FANCM: variants seen among roughly 807,000 people sequenced by gnomAD.
FANCM encodes the protein FA complementation group M.
In FANCM, 140 loss-of-function variants were observed where a neutral mutation model predicts 199.5. That is an observed-to-expected ratio of 0.70 (90% CI 0.61 to 0.81). The LOEUF (loss-of-function observed/expected upper bound fraction) is 0.81. Among genes scored for constraint, FANCM ranks in the 30% least tolerant of loss-of-function variants. The pLI, the probability that FANCM is intolerant of heterozygous loss-of-function variation, is 0.00. For synonymous variants in FANCM, 840 were observed against 836.8 expected (o/e 1.00, Z -0.07); for missense variants, 2,410 against 2,421.4 (o/e 1.00, Z 0.10).
chr14:45,147,260 C>A (rs562864347), intron 3 of FANCM, among the ~76,000 whole-genome samples: 1 of 151,880 alleles, frequency 6.6e-6, no homozygotes, highest in Non-Finnish European at 1.5e-5. Context: ...TGTTCCCCGC[C>A]CCCCCCAAAA....
chr14:45,149,126 T>G (rs1205871222), intron 4 of FANCM, 131 bp downstream of exon 4: 1 of 852,136 alleles, frequency 1.2e-6, no homozygotes, highest in African/African-American at 1.7e-5. Flanking sequence ...AAAAATTCTT[T>G]GAAGTTAAAA....
chr14:45,164,618 C>A, intron 10 of FANCM, 53 bp downstream of exon 10: 2 of 1,338,278 alleles, frequency 1.5e-6, no homozygotes, highest in Non-Finnish European at 2.1e-6. Context: ...AGAAATACAG[C>A]CCAAAGGTGA....
intron 10 of FANCM, among the ~76,000 whole-genome samples, chr14:45,166,293 G>A (rs369827465): frequency 2.6e-5 from 4 of 151,780 alleles, no homozygotes; most frequent in South Asian, 2.1e-4. Context: ...CACCATGCCC[G>A]GCTAATTTTT....
intron 19 of FANCM, among the ~76,000 whole-genome samples, chr14:45,188,555 T>G (rs1040128591): frequency 6.6e-6 from 1 of 152,186 alleles, no homozygotes; most frequent in Non-Finnish European, 1.5e-5. Flanking sequence ...CTATTATTAT[T>G]GTTTACTTTC....
At position 45,136,494 on chromosome 14, in the gene FANCM, T is replaced by C. The variant is rs139688201; in HGVS notation, c.463T>C (p.Tyr155His). 2.5e-6 allele frequency: 4 copies of C among 1,614,020 alleles called. No homozygotes were observed. The African/African-American group carries it at 4.0e-5, about 16-fold the overall frequency. Residue 155 changes from tyrosine to histidine, a missense_variant, in exon 1 of 23, where the codon TAC (tyrosine) becomes CAC (histidine). By Grantham distance (83) the Tyr-to-His change is moderately conservative. Coordinates refer to ENST00000267430, the MANE Select transcript of FANCM (RefSeq NM_020937.4). ...GGTGACACAGCAGATCGAGGCTTGC[T>C]ACCAGGTGATGGGTATCCCGCAATC... is the stretch of plus-strand genomic sequence containing the variant. ...PLVTQQIEAC[Y>H]QVMGIPQSHM...
chr14:45,156,916 C>CAAAAAAAAA (rs535786477), intron 8 of FANCM, among the ~76,000 whole-genome samples: 1 of 47,742 alleles, frequency 2.1e-5, no homozygotes, highest in Non-Finnish European at 4.6e-5. Flanking sequence ...GACTCTGTCT[C>CAAAAAAAAA]AAAAAAAAAA....
chr14:45,138,787 A>G (rs1042284856), intron 2 of FANCM, among the ~76,000 whole-genome samples: 1 of 152,230 alleles, frequency 6.6e-6, no homozygotes, highest in African/African-American at 2.4e-5. Context: ...TAATAACCAG[A>G]CAGCCCTGAC....
At position 45,189,048 on chromosome 14, in the gene FANCM, G is replaced by C. The variant is rs769919966; in HGVS notation, c.5026G>C (p.Glu1676Gln). The C allele has an allele frequency of 1.9e-6, 3 of 1,614,060 alleles. No homozygotes were observed. Among genetic ancestry groups the C allele is most frequent in the Non-Finnish European group, 2.5e-6 (3 of 1,179,924 alleles). Residue 1676 changes from glutamate (E) to glutamine (Q), a missense_variant, in exon 20 of 23, where the codon GAG becomes CAG. Transcript: ENST00000267430. ...TATTTTACCAGATGATTCAAGTGAG[G>C]AGGAGAACAATGTAAATGATAAAAG... ...RIILPDDSSE[E>Q]ENNVNDKRES... is the part of the protein sequence containing the mutation.
At chr14:45,184,426 C>T (rs1321999994) in intron 17 of FANCM, among the ~76,000 whole-genome samples, 1 of 152,154 alleles carries the variant, frequency 6.6e-6, no homozygotes, top group Non-Finnish European at 1.5e-5. Flanking sequence ...CTTTGGGAGG[C>T]TGAGCCAGGT....
At chr14:45,177,034 A>G in intron 14 of FANCM, 58 bp downstream of exon 14, 1 of 1,150,640 alleles carries the variant, frequency 8.7e-7, no homozygotes, top group East Asian at 2.4e-5. Flanking sequence ...CTCTAGAAAT[A>G]CTTTGGTAAT....
At chr14:45,137,321 A>G in intron 2 of FANCM, 80 bp downstream of exon 2, 1 of 1,089,310 alleles carries the variant, frequency 9.2e-7, no homozygotes, top group Non-Finnish European at 1.4e-6. Context: ...CTAGTGATGG[A>G]AGTTATTGAC....
intron 16 of FANCM, 74 bp downstream of exon 16, chr14:45,181,779 A>C (rs1270092794): frequency 1.2e-6 from 1 of 847,646 alleles, no homozygotes; most frequent in East Asian, 2.6e-5. Context: ...ATATATGTGT[A>C]GATAAATATA....
intron 13 of FANCM, among the ~76,000 whole-genome samples, chr14:45,173,939 A>G (rs1192485302): frequency 6.6e-6 from 1 of 152,174 alleles, no homozygotes; most frequent in African/African-American, 2.4e-5. Flanking sequence ...AAATTAACAT[A>G]TATTTATTGA....
Position 45,189,306 on chromosome 14 carries a change from C to A in FANCM, c.5284C>A (p.Pro1762Thr), listed in dbSNP as rs376197752. 44 of 1,613,860 alleles carry A rather than the reference C, an allele frequency of 2.7e-5. No homozygotes were observed. In the African/African-American group the frequency reaches 5.1e-4, roughly 19 times the overall value. The part of the protein sequence containing the change: ...NHNEVQSTTP[P>T]FTTVDSQKDC... ...TAATGAAGTCCAGTCTACCACACCA[C>A]CCTTCACTACTGTTGATTCACAGAA... Residue 1762 changes from proline (P) to threonine (T), a missense_variant, in exon 20 of 23, where the codon CCC (proline) becomes ACC (threonine). By Grantham distance (38) the Pro-to-Thr change is conservative. Coordinates refer to ENST00000267430, the MANE Select transcript of FANCM (RefSeq NM_020937.4).
intron 5 of FANCM, among the ~76,000 whole-genome samples, chr14:45,152,408 G>A (rs1886892261): frequency 6.6e-6 from 1 of 152,070 alleles, no homozygotes; most frequent in South Asian, 2.1e-4. Context: ...CCATGAGAAG[G>A]TAGATTGTAA....
chr14:45,148,618 G>T (rs531921529), intron 3 of FANCM, among the ~76,000 whole-genome samples: 5 of 152,222 alleles, frequency 3.3e-5, no homozygotes, highest in African/African-American at 1.2e-4. Context: ...TGGCTTGAAG[G>T]TCTGTGTGGG....
At chr14:45,148,401 G>T (rs986711427) in intron 3 of FANCM, among the ~76,000 whole-genome samples, 1 of 151,454 alleles carries the variant, frequency 6.6e-6, no homozygotes, top group African/African-American at 2.4e-5. Flanking sequence ...ATAAGCTTTG[G>T]GTACATGAAA....
At chr14:45,168,421 A>G (rs966140682) in intron 11 of FANCM, among the ~76,000 whole-genome samples, 3 of 151,920 alleles carry the variant, frequency 2.0e-5, no homozygotes, top group African/African-American at 7.2e-5. Flanking sequence ...ATTTTTAGTG[A>G]TCATTATATT....
In FANCM at chr14:45,140,800, G is replaced by A. The variant is rs1278192959; in HGVS notation, c.759+91G>A. Reference sequence around the variant, plus strand: ...TCATACCTGTAATCCTAGTGCTTTGGGAGGTGGAGATGGGAGGATCACTTG... The same window carrying A: ...TCATACCTGTAATCCTAGTGCTTTGAGAGGTGGAGATGGGAGGATCACTTG... On this transcript the variant is annotated intron_variant, in intron 3 of 22. Coordinates refer to ENST00000267430, the MANE Select transcript of FANCM (RefSeq NM_020937.4). 4.7e-6 allele frequency: 4 copies of A among 843,914 alleles called. No individual in the cohort carries two copies. In the African/African-American group the frequency reaches 5.0e-5, roughly 11 times the overall value. 52.3% of individuals were successfully genotyped at this position (843,914 alleles called of 1,614,324 possible).
Sources: gnomAD v4.1 joint callset for allele counts (sites outside exome capture counted in the v4.1 genomes callset) on GRCh38, gnomAD v4.1.1 for gene constraint, MANE v1.5 for transcripts, NCBI Gene and HGNC (gene_info 2026-07-23, HGNC 2026-07-21) for gene names.